Variants in ARHGEF33 observed in about 807,000 individuals in gnomAD.
ARHGEF33 encodes Rho guanine nucleotide exchange factor 33, also known as DH and coiled-coil domain-containing protein ENSP00000381780.
A neutral mutation model predicts 101.9 loss-of-function variants in ARHGEF33; 72 were observed. That is an observed-to-expected ratio of 0.71 (90% confidence interval 0.58 to 0.86). ARHGEF33 has a LOEUF of 0.86. ARHGEF33 is among the 40% of genes least tolerant of loss of function. The pLI is 0.00. For synonymous variants in ARHGEF33, 499 were observed against 442.5 expected (o/e 1.13, Z -1.60); for missense variants, 1,169 against 1,111.3 (o/e 1.05, Z -0.74).
At chr2:38,963,899 G>C (rs1667999704) in intron 16 of ARHGEF33, among the ~76,000 whole-genome samples, 1 of 152,208 alleles carries the variant, frequency 6.6e-6, no homozygotes, top group Non-Finnish European at 1.5e-5. Flanking sequence ...TCCACAGACT[G>C]CGGAGGGGGA....
intron 10 of ARHGEF33, among the ~76,000 whole-genome samples, chr2:38,949,700 G>A (rs1667545097): frequency 6.6e-6 from 1 of 152,188 alleles, no homozygotes; most frequent in Admixed American, 6.5e-5. Context: ...ATAAAGAATA[G>A]CTGAGACTGG....
chr2:38,931,343 A>G, intron 7 of ARHGEF33, 92 bp downstream of exon 7: 1 of 1,183,946 alleles, frequency 8.4e-7, no homozygotes, highest in Non-Finnish European at 1.2e-6. Flanking sequence ...CTTTGTTAGA[A>G]GAAAATGGTG....
chr2:38,904,809 A>G lies in ARHGEF33; in HGVS notation c.-86+8960A>G, dbSNP rs558418254. 4.3e-4 allele frequency among the ~76,000 whole-genome samples: 65 copies of G among 152,276 alleles called. 1 individual carries two copies. In the South Asian group the frequency reaches 0.013, roughly 31 times the overall value. ...TGTAAGTGACATTTAAAGGAAAACA[A>G]TCTACTGGCAGTGAAGAGGATGGAT... On this transcript the variant is annotated intron_variant, in intron 2 of 17. Coordinates refer to ENST00000409978, the MANE Select transcript of ARHGEF33 (RefSeq NM_001145451.5).
At chr2:38,942,711 G>A (rs1326328963) in intron 9 of ARHGEF33, among the ~76,000 whole-genome samples, 1 of 151,770 alleles carries the variant, frequency 6.6e-6, no homozygotes, top group Non-Finnish European at 1.5e-5. Context: ...TGTTTCTTCA[G>A]GGTCCCCCCT....
At chr2:38,945,649 G>T (rs1208840855) in intron 10 of ARHGEF33, among the ~76,000 whole-genome samples, 2 of 152,254 alleles carry the variant, frequency 1.3e-5, no homozygotes, top group African/African-American at 4.8e-5. Context: ...GAAATCTAAA[G>T]GCGGTGTACC....
intron 2 of ARHGEF33, among the ~76,000 whole-genome samples, chr2:38,908,154 C>T (rs1666434226): frequency 6.6e-6 from 1 of 152,178 alleles, no homozygotes; most frequent in Non-Finnish European, 1.5e-5. Flanking sequence ...GCTTGAGCCA[C>T]CGTGCCTGGC....
chr2:38,938,495 T>G (rs1572760269), intron 9 of ARHGEF33, among the ~76,000 whole-genome samples: 1 of 152,324 alleles, frequency 6.6e-6, no homozygotes, highest in East Asian at 1.9e-4. Flanking sequence ...GCTATGATAG[T>G]GCCATTGCAC....
chr2:38,965,277 A>G (rs1038582635), intron 16 of ARHGEF33, among the ~76,000 whole-genome samples: 7 of 152,224 alleles, frequency 4.6e-5, no homozygotes, highest in African/African-American at 1.7e-4. Flanking sequence ...ATATAAGTGC[A>G]TATCTGGCTT....
intron 13 of ARHGEF33, 129 bp from the exon 14 acceptor site, chr2:38,956,770 T>A: frequency 9.0e-7 from 1 of 1,111,510 alleles, no homozygotes; most frequent in Non-Finnish European, 1.3e-6. Context: ...ATGGGGGTCA[T>A]GTGTATTGTT....
At chr2:38,940,515 C>A (rs1310192940) in intron 9 of ARHGEF33, among the ~76,000 whole-genome samples, 1 of 151,974 alleles carries the variant, frequency 6.6e-6, no homozygotes, top group Non-Finnish European at 1.5e-5. Context: ...TGGGACTTTC[C>A]AGTCTTCTTA....
chr2:38,900,341 G>A (rs552338052), intron 2 of ARHGEF33, among the ~76,000 whole-genome samples: 49 of 152,266 alleles, frequency 3.2e-4, no homozygotes, highest in African/African-American at 1.2e-3. Context: ...AGAGAAAGAG[G>A]TGCTTGAACT....
At chr2:38,950,963 T>C (rs1000470043) in intron 10 of ARHGEF33, 26 bp from the exon 11 acceptor site, 4 of 1,548,194 alleles carry the variant, frequency 2.6e-6, no homozygotes, top group African/African-American at 2.7e-5. Context: ...CTTGTTTGTG[T>C]GATTCCGTCT....
rs1572778371 is a variant in ARHGEF33 at position 38,960,254 on chromosome 2, C to T, written c.1949C>T (p.Ser650Phe). Reference sequence around the variant, plus strand: ...AACTGCTCGCCTGCCTCCTCCGAGTCCAGCCTGGACATCTGCTTCCTGCGG... The same window carrying T: ...AACTGCTCGCCTGCCTCCTCCGAGTTCAGCCTGGACATCTGCTTCCTGCGG... Reference protein sequence around the residue: ...FENCSPASSESSLDICFLRPV... With the variant: ...FENCSPASSEFSLDICFLRPV... The change falls in exon 16 of 18, where the codon TCC (serine) becomes TTC (phenylalanine). Residue 650 changes from serine (S) to phenylalanine (F), a missense_variant. Ser to Phe is a radical substitution (Grantham distance 155). Coordinates refer to ENST00000409978, the MANE Select transcript of ARHGEF33 (RefSeq NM_001145451.5). 1 of 1,548,156 alleles carries T rather than the reference C, an allele frequency of 6.5e-7. No homozygotes were observed. The highest frequency in any genetic ancestry group is 8.7e-7 in the Non-Finnish European group (1 of 1,146,208).
chr2:38,897,157 G>A (rs1666140283), intron 2 of ARHGEF33, among the ~76,000 whole-genome samples: 1 of 151,962 alleles, frequency 6.6e-6, no homozygotes, highest in Non-Finnish European at 1.5e-5. Flanking sequence ...CCAGTGGTCC[G>A]CCCGCCTCGG....
rs570683825 is a variant in ARHGEF33, at chr2:38,943,121, T to A, written c.791-780T>A. Among the ~76,000 whole-genome samples, 50 of 152,206 alleles carry A rather than the reference T, an allele frequency of 3.3e-4. 2 individuals are homozygous for A. In the South Asian group the frequency reaches 0.01, roughly 32 times the overall value. On this transcript the variant is annotated intron_variant, in intron 9 of 17. Coordinates refer to ENST00000409978, the MANE Select transcript of ARHGEF33 (RefSeq NM_001145451.5). ...TTTTGTATTTTTAGTAAAGATGGGG[T>A]TTCGCCATGTTAGCCAGGCTGGTCT...
chr2:38,912,221 G>C (rs931221741), intron 2 of ARHGEF33, among the ~76,000 whole-genome samples: 1 of 152,226 alleles, frequency 6.6e-6, no homozygotes, highest in African/African-American at 2.4e-5. Context: ...AGGAATAGGA[G>C]CCACATTAAC....
intron 2 of ARHGEF33, among the ~76,000 whole-genome samples, chr2:38,896,926 CTTTT>C (rs1666134749): frequency 6.6e-6 from 1 of 151,766 alleles, no homozygotes; most frequent in East Asian, 1.9e-4. Context: ...TTCTTTTTTT[CTTTT>C]TTTGAGACTG....
At chr2:38,972,974 A>C (rs1040586447) in intron 17 of ARHGEF33, 1 of 152,244 alleles carries the variant, frequency 6.6e-6, no homozygotes, top group Non-Finnish European at 1.5e-5. Flanking sequence ...AGTCTAGCTT[A>C]TCAGAGGTTA....
At chr2:38,927,192 A>G (rs979342815) in intron 4 of ARHGEF33, among the ~76,000 whole-genome samples, 3 of 152,114 alleles carry the variant, frequency 2.0e-5, no homozygotes, top group Admixed American at 6.5e-5. Context: ...ATTGCTCTCT[A>G]TTCCCAGCAA....
Sources: allele counts gnomAD v4.1 joint callset (sites outside exome capture counted in the v4.1 genomes callset), GRCh38; gene constraint gnomAD v4.1.1; transcripts MANE v1.5; gene names NCBI Gene and HGNC (gene_info 2026-07-23, HGNC 2026-07-21).